MARCHF8: variants seen among roughly 807,000 people sequenced by gnomAD.
The protein encoded by MARCHF8 is E3 ubiquitin-protein ligase MARCHF8.
A neutral mutation model predicts 51.6 loss-of-function variants in MARCHF8; 40 were observed. The ratio of observed to expected loss-of-function variants is 0.77; its 90% CI spans 0.60 to 1.01. The LOEUF (loss-of-function observed/expected upper bound fraction) is 1.01, where lower values mean the gene tolerates loss of function less well. Ranked by LOEUF, MARCHF8 falls within the 50% of genes least tolerant of loss-of-function variation. The pLI, the probability that MARCHF8 is intolerant of heterozygous loss-of-function variation, is 0.00. For synonymous variants in MARCHF8, 263 were observed against 280.3 expected (o/e 0.94, Z 0.62); for missense variants, 685 against 708.6 (o/e 0.97, Z 0.38).
chr10:45,585,629 T>C (rs1293390542), intron 1 of MARCHF8, among the ~76,000 whole-genome samples: 1 of 152,096 alleles, frequency 6.6e-6, no homozygotes, highest in African/African-American at 2.4e-5. Flanking sequence ...CATAACAGAA[T>C]GGGATCAGAG....
At chr10:45,464,453 A>G (rs1252801358) in intron 3 of MARCHF8, 126 bp from the exon 4 acceptor site, 56 of 752,080 alleles carry the variant, frequency 7.4e-5, no homozygotes. Context: ...AACGAGTAAC[A>G]CATATTAGAT....
At chr10:45,566,780 A>AGGGGGGGG in intron 1 of MARCHF8, among the ~76,000 whole-genome samples, 1 of 4,562 alleles carries the variant, frequency 2.2e-4, no homozygotes, top group Non-Finnish European at 5.5e-4. Context: ...TGGCGGGGGG[A>AGGGGGGGG]GGGGGGGAGG....
intron 1 of MARCHF8, among the ~76,000 whole-genome samples, chr10:45,559,741 T>C (rs1280232544): frequency 2.0e-5 from 3 of 152,292 alleles, no homozygotes; most frequent in Middle Eastern, 6.8e-3. Flanking sequence ...AAATTCCAAG[T>C]GTGCATTAGA....
intron 2 of MARCHF8, among the ~76,000 whole-genome samples, chr10:45,520,341 CAGT>C (rs1313063644): frequency 6.6e-6 from 1 of 152,192 alleles, no homozygotes; most frequent in African/African-American, 2.4e-5. Context: ...CAGTAAAAAA[CAGT>C]ATTCACAGTA....
At chr10:45,592,445 G>T (rs1009264861) in intron 1 of MARCHF8, among the ~76,000 whole-genome samples, 2 of 152,100 alleles carry the variant, frequency 1.3e-5, no homozygotes, top group Non-Finnish European at 2.9e-5. Context: ...GAACAGGTAG[G>T]GTTGTAAAGT....
intron 3 of MARCHF8, among the ~76,000 whole-genome samples, chr10:45,466,375 A>C (rs1353852349): frequency 6.6e-6 from 1 of 152,232 alleles, no homozygotes; most frequent in Non-Finnish European, 1.5e-5. Context: ...TGTGTCATGA[A>C]GACCAAAGCC....
At chr10:45,559,245 A>G (rs2044284205) in intron 1 of MARCHF8, among the ~76,000 whole-genome samples, 1 of 152,232 alleles carries the variant, frequency 6.6e-6, no homozygotes, top group African/African-American at 2.4e-5. Context: ...ATACGGTGGT[A>G]TGTACATAGA....
chr10:45,495,786 G>A (rs1445770609), intron 2 of MARCHF8, among the ~76,000 whole-genome samples: 2 of 141,832 alleles, frequency 1.4e-5, no homozygotes, highest in South Asian at 2.4e-4. Flanking sequence ...GGGAGGGGAG[G>A]GAGACAGGCA....
intron 2 of MARCHF8, among the ~76,000 whole-genome samples, chr10:45,526,736 C>A (rs957178917): frequency 3.3e-5 from 5 of 150,418 alleles, no homozygotes; most frequent in Admixed American, 2.0e-4. Context: ...AAAAAAAAAA[C>A]CCCACTGGAT....
At chr10:45,479,974 T>C (rs1046232964) in intron 3 of MARCHF8, among the ~76,000 whole-genome samples, 2 of 152,196 alleles carry the variant, frequency 1.3e-5, no homozygotes, top group Non-Finnish European at 2.9e-5. Flanking sequence ...AGACATTTGT[T>C]GAATGGCTTT....
At chr10:45,538,259 G>C (rs1471563862), upstream of MARCHF8, among the ~76,000 whole-genome samples, 1 of 152,148 alleles carries the variant, frequency 6.6e-6, no homozygotes. Flanking sequence ...TTACAGACAA[G>C]CAAATGCTGA....
At chr10:45,575,919 C>T (rs924265560) in intron 1 of MARCHF8, among the ~76,000 whole-genome samples, 6 of 152,160 alleles carry the variant, frequency 3.9e-5, no homozygotes, top group East Asian at 1.9e-4. Flanking sequence ...AAGAACAACC[C>T]GCTTTGACTA....
chr10:45,581,978 T>C (rs2044560908), intron 1 of MARCHF8, among the ~76,000 whole-genome samples: 1 of 151,474 alleles, frequency 6.6e-6, no homozygotes, highest in African/African-American at 2.4e-5. Flanking sequence ...AAAAAGTATA[T>C]GAATCATCAT....
intron 6 of MARCHF8, among the ~76,000 whole-genome samples, 174 bp from the exon 7 acceptor site, chr10:45,459,441 G>A (rs1842717943): frequency 6.6e-6 from 1 of 152,092 alleles, no homozygotes; most frequent in South Asian, 2.1e-4. Flanking sequence ...CAGGTACCAG[G>A]TGCAGCCAAC....
intron 2 of MARCHF8, among the ~76,000 whole-genome samples, chr10:45,512,725 A>G (rs1035470005): frequency 6.6e-6 from 1 of 152,040 alleles, no homozygotes; most frequent in Non-Finnish European, 1.5e-5. Context: ...TGGGAGGTGT[A>G]CCCAACAGCT....
chr10:45,521,323 T>G (rs2043701727), intron 2 of MARCHF8, among the ~76,000 whole-genome samples: 2 of 152,244 alleles, frequency 1.3e-5, no homozygotes, highest in South Asian at 4.1e-4. Flanking sequence ...AACCAGTAAT[T>G]CCAAGTATTC....
chr10:45,575,333 G>A (rs138488264), intron 1 of MARCHF8, among the ~76,000 whole-genome samples: 1 of 152,106 alleles, frequency 6.6e-6, no homozygotes, highest in East Asian at 1.9e-4. Flanking sequence ...CCCACACAAG[G>A]CAAGGGTTTT....
intron 2 of MARCHF8, among the ~76,000 whole-genome samples, chr10:45,494,770 G>A (rs1564483950): frequency 6.6e-6 from 1 of 152,174 alleles, no homozygotes. Context: ...GGACTATGAA[G>A]AAGATAGTTA....
intron 2 of MARCHF8, among the ~76,000 whole-genome samples, chr10:45,502,127 T>C (rs2043291240): frequency 6.6e-6 from 1 of 152,198 alleles, no homozygotes; most frequent in Non-Finnish European, 1.5e-5. Flanking sequence ...CCTGAAGATT[T>C]ACCTTGGAGA....
Sources: gnomAD v4.1 joint callset for allele counts (sites outside exome capture counted in the v4.1 genomes callset) on GRCh38, gnomAD v4.1.1 for gene constraint, MANE v1.5 for transcripts, NCBI Gene and HGNC (gene_info 2026-07-23, HGNC 2026-07-21) for gene names.